Variants in ZNF736 observed in about 807,000 individuals in gnomAD.
ZNF736 encodes the protein zinc finger protein 736.
ZNF736 carries 6 observed loss-of-function variants against 11.7 expected under a neutral mutation model. That is an observed-to-expected ratio of 0.51 (90% CI 0.28 to 1.01). The LOEUF (loss-of-function observed/expected upper bound fraction) is 1.01, where lower values mean the gene tolerates loss of function less well. Among genes scored for constraint, ZNF736 ranks in the 50% least tolerant of loss-of-function variants. The probability of loss-of-function intolerance (pLI) is 0.09; values close to 1 mark genes in which losing one functional copy is unlikely to be tolerated. For missense variants in ZNF736, 444 were observed against 496.0 expected (o/e 0.90, Z 1.00); for synonymous variants, 139 against 164.7 (o/e 0.84, Z 1.19).
chr7:64,320,158 A>C (rs1788984543), intron 1 of ZNF736, among the ~76,000 whole-genome samples: 1 of 152,204 alleles, frequency 6.6e-6, no homozygotes, highest in African/African-American at 2.4e-5. Context: ...AAAACTTCAG[A>C]GAAATAACAA....
chr7:64,348,802 C>G lies in ZNF736; in HGVS notation c.939C>G (p.Tyr313Ter), dbSNP rs748369144. 1.3e-5 allele frequency: 20 copies of G among 1,586,994 alleles called. No homozygotes were observed. The highest frequency in any genetic ancestry group is 1.6e-5 in the Non-Finnish European group (19 of 1,166,634). ...HKIIHTGDKP[Y>*]TCNECGKAFK... ...TAATTCATACTGGAGACAAACCCTA[C>G]ACATGTAATGAATGTGGAAAAGCTT... Residue 313 changes from tyrosine to a stop codon, truncating the protein, a stop_gained, in exon 4 of 4, where the codon TAC (tyrosine) becomes TAG (stop). Transcript: ENST00000423484. LOFTEE classifies it low-confidence loss of function (END_TRUNC).
chr7:64,323,449 A>C (rs964831453), intron 1 of ZNF736, among the ~76,000 whole-genome samples: 1 of 152,210 alleles, frequency 6.6e-6, no homozygotes, highest in South Asian at 2.1e-4. Flanking sequence ...AAAACAAAAA[A>C]AAATACTATT....
intron 1 of ZNF736, among the ~76,000 whole-genome samples, chr7:64,315,029 C>G (rs538388489): frequency 3.4e-4 from 51 of 152,190 alleles, no homozygotes; most frequent in Non-Finnish European, 6.5e-4. Flanking sequence ...TGGTATTGTC[C>G]TCTCAATAGT....
At chr7:64,323,263 C>T (rs1275319435) in intron 1 of ZNF736, among the ~76,000 whole-genome samples, 1 of 151,924 alleles carries the variant, frequency 6.6e-6, no homozygotes, top group East Asian at 1.9e-4. Context: ...TTAAAAATAC[C>T]GGATAAGAAA....
Position 64,354,092 on chromosome 7 carries a change from A to T in ZNF736, c.*4945A>T, listed in dbSNP as rs1789524589. 6.6e-6 allele frequency: 1 copy of T among 152,188 alleles called. No individual in the cohort carries two copies. Among genetic ancestry groups the T allele is most frequent in the Non-Finnish European group, 1.5e-5 (1 of 68,010 alleles). The allele number at this position is 152,188 out of a possible 1,614,324, so 9.4% of individuals were successfully genotyped here. A position where few individuals can be genotyped will look rare whatever the true frequency, so the allele number is the denominator to read the frequency against. On this transcript the variant is annotated 3_prime_UTR_variant, in exon 4 of 4. Transcript: ENST00000423484. ...ATAATTTAGAGAATATGGTTTCTAC[A>T]ACTTACATTTTTGTTTACTTGTAAC...
chr7:64,328,436 A>G (rs1473750003), intron 1 of ZNF736, among the ~76,000 whole-genome samples: 3 of 151,944 alleles, frequency 2.0e-5, no homozygotes, highest in Non-Finnish European at 4.4e-5. Flanking sequence ...AGAATCCTTT[A>G]TCTTTGACCT....
intron 3 of ZNF736, among the ~76,000 whole-genome samples, chr7:64,343,956 T>C (rs1789373487): frequency 1.1e-5 from 1 of 93,274 alleles, no homozygotes; most frequent in South Asian, 3.3e-4. Context: ...ATATTTGCTT[T>C]TTTTTTTTTT....
intron 3 of ZNF736, among the ~76,000 whole-genome samples, chr7:64,345,316 C>T (rs796618872): frequency 4.7e-4 from 72 of 151,784 alleles, no homozygotes; most frequent in African/African-American, 1.7e-3. Flanking sequence ...ACCACTGTGC[C>T]CGGCCAGGAA....
chr7:64,344,447 T>G (rs1789381898), intron 3 of ZNF736, among the ~76,000 whole-genome samples: 1 of 152,242 alleles, frequency 6.6e-6, no homozygotes, highest in Admixed American at 6.5e-5. Flanking sequence ...AATCCACTAC[T>G]CATTTTTCCC....
intron 3 of ZNF736, among the ~76,000 whole-genome samples, chr7:64,344,185 C>T (rs62463909): frequency 0.055 from 8,402 of 152,140 alleles, 373 homozygotes; most frequent in Admixed American, 0.14. Flanking sequence ...GCCTATAATC[C>T]CAGCTCCTGC....
intron 3 of ZNF736, among the ~76,000 whole-genome samples, chr7:64,342,194 C>T (rs1471081463): frequency 6.6e-6 from 1 of 152,042 alleles, no homozygotes; most frequent in Non-Finnish European, 1.5e-5. Context: ...TTTTAAAAAT[C>T]TGTGCATTAT....
intron 1 of ZNF736, among the ~76,000 whole-genome samples, chr7:64,322,827 T>C (rs1789020771): frequency 6.6e-6 from 1 of 152,228 alleles, no homozygotes; most frequent in Non-Finnish European, 1.5e-5. Context: ...TGTCAATTAT[T>C]GGAACAGATT....
At chr7:64,338,045 G>A (rs1789284974) in intron 3 of ZNF736, among the ~76,000 whole-genome samples, 1 of 152,114 alleles carries the variant, frequency 6.6e-6, no homozygotes, top group South Asian at 2.1e-4. Flanking sequence ...ATGAGCCACT[G>A]TGCCCAGTCT....
At chr7:64,315,918 A>C (rs572906607) in intron 1 of ZNF736, among the ~76,000 whole-genome samples, 1 of 152,118 alleles carries the variant, frequency 6.6e-6, no homozygotes, top group South Asian at 2.1e-4. Context: ...GGCTCTTTTT[A>C]ATATATTAGT....
At chr7:64,320,258 T>C (rs576542959) in intron 1 of ZNF736, among the ~76,000 whole-genome samples, 5 of 152,318 alleles carry the variant, frequency 3.3e-5, no homozygotes, top group African/African-American at 4.8e-5. Context: ...CCACATTTTT[T>C]AGTATCTCAG....
At chr7:64,337,187 A>T in intron 3 of ZNF736, 1 of 553,670 alleles carries the variant, frequency 1.8e-6, no homozygotes, top group South Asian at 2.1e-5. Context: ...CCCCTTCAGT[A>T]ATGTGTGTGT....
intron 1 of ZNF736, among the ~76,000 whole-genome samples, chr7:64,320,697 A>G (rs1215080129): frequency 1.3e-5 from 2 of 152,166 alleles, no homozygotes; most frequent in East Asian, 1.9e-4. Context: ...TTGAACATTT[A>G]AAAGGTTTTT....
rs142400270 is a variant in ZNF736, at chr7:64,327,070, A to G, written c.4-9189A>G. ...AATTTCTATTAGGTCTATTTGGTTCATAGTGCAGATTAAGTTCAATGTTTA... is the reference window on the plus strand; with the variant it reads ...AATTTCTATTAGGTCTATTTGGTTCGTAGTGCAGATTAAGTTCAATGTTTA... On this transcript the variant is annotated intron_variant, in intron 1 of 3. Transcript: ENST00000423484. Among the ~76,000 whole-genome samples the G allele has an allele frequency of 4.9e-3, 742 of 152,272 alleles. 5 individuals are homozygous for G. The highest frequency in any genetic ancestry group is 6.2e-3 in the Non-Finnish European group (421 of 68,008).
chr7:64,326,189 A>G (rs894374525), intron 1 of ZNF736, among the ~76,000 whole-genome samples: 3 of 152,224 alleles, frequency 2.0e-5, no homozygotes, highest in Non-Finnish European at 2.9e-5. Context: ...ATGTTTTCCA[A>G]ACACTGTACA....
Sources: allele counts gnomAD v4.1 joint callset (sites outside exome capture counted in the v4.1 genomes callset), GRCh38; gene constraint gnomAD v4.1.1; transcripts MANE v1.5; gene names NCBI Gene and HGNC (gene_info 2026-07-23, HGNC 2026-07-21).